The following GOLIM4 variants were observed in gnomAD, a reference collection of about 807,000 sequenced individuals.
GOLIM4 encodes 130 kDa golgi-localized phosphoprotein.
A neutral mutation model predicts 107.4 loss-of-function variants in GOLIM4; 71 were observed. The observed-to-expected ratio is 0.66, with a 90% CI of 0.55 to 0.81. GOLIM4 has a LOEUF of 0.81. Among genes scored for constraint, GOLIM4 ranks in the 30% least tolerant of loss-of-function variants. The probability of loss-of-function intolerance (pLI) is 0.00; values close to 1 mark genes in which losing one functional copy is unlikely to be tolerated. For missense variants in GOLIM4, 830 were observed against 826.1 expected (o/e 1.00, Z -0.06); for synonymous variants, 327 against 294.8 (o/e 1.11, Z -1.12).
intron 1 of GOLIM4, among the ~76,000 whole-genome samples, chr3:168,093,614 TGTAAATAAATAA>T: frequency 6.6e-6 from 1 of 152,328 alleles, no homozygotes; most frequent in South Asian, 2.1e-4. Context: ...ACTGATACCT[TGTAAATAAATAA>T]GTAAACAAAT....
At chr3:168,052,801 A>G (rs1406980622) in intron 1 of GOLIM4, among the ~76,000 whole-genome samples, 2 of 152,232 alleles carry the variant, frequency 1.3e-5, no homozygotes, top group Non-Finnish European at 2.9e-5. Flanking sequence ...AGTCAAGGGC[A>G]TCAGTCAAGA....
chr3:168,035,208 A>C (rs1718579526), intron 8 of GOLIM4, among the ~76,000 whole-genome samples: 1 of 152,202 alleles, frequency 6.6e-6, no homozygotes. Context: ...TGTTGGTGGG[A>C]GTGCAGATTA....
chr3:168,031,113 C>T (rs1307435194), intron 9 of GOLIM4, among the ~76,000 whole-genome samples: 1 of 152,048 alleles, frequency 6.6e-6, no homozygotes, highest in Non-Finnish European at 1.5e-5. Flanking sequence ...ACATACATTG[C>T]ATATTCTCAT....
At position 168,047,095 on chromosome 3, in the gene GOLIM4, A is replaced by G. The variant is rs559769940; in HGVS notation, c.263-96T>C. 7 of 617,640 alleles carry G rather than the reference A, an allele frequency of 1.1e-5. No individual in the cohort carries two copies. In the Admixed American group the frequency reaches 2.2e-4, roughly 19 times the overall value. 38.3% of individuals were successfully genotyped at this position (617,640 alleles called of 1,614,324 possible). The stretch of plus-strand genomic sequence containing the variant: ...GGCAAACTTCACTCATGCTTACAAA[A>G]GTGTTTTAGGTTTAAAACAATCTAC... On this transcript the variant is annotated intron_variant, in intron 2 of 15. Coordinates refer to ENST00000470487, the MANE Select transcript of GOLIM4 (RefSeq NM_014498.5).
At chr3:168,084,878 T>C (rs955176640) in intron 1 of GOLIM4, among the ~76,000 whole-genome samples, 2 of 152,114 alleles carry the variant, frequency 1.3e-5, no homozygotes, top group African/African-American at 4.8e-5. Flanking sequence ...CTAAAAATTA[T>C]GTAGTGGCTA....
At chr3:168,036,444 G>T (rs1420520088) in intron 8 of GOLIM4, among the ~76,000 whole-genome samples, 1 of 152,230 alleles carries the variant, frequency 6.6e-6, no homozygotes, top group African/African-American at 2.4e-5. Context: ...GGGAGGCTGA[G>T]GCAGGGAGAA....
In GOLIM4 at chr3:168,024,703, A is replaced by G. The variant is rs1037740421; in HGVS notation, c.1792-109T>C. 4.2e-6 allele frequency: 4 copies of G among 956,214 alleles called. No homozygotes were observed. In the African/African-American group the frequency reaches 6.4e-5, roughly 15 times the overall value. The allele number at this position is 956,214 out of a possible 1,614,324, so 59.2% of individuals were successfully genotyped here. On this transcript the variant is annotated intron_variant, in intron 13 of 15. Transcript: ENST00000470487. Reference sequence around the variant, plus strand: ...GCCACCATGAAAAGGGCACTTTCAAAGCGTCTGTGGCCAGGAAATGATGAG... The same window carrying G: ...GCCACCATGAAAAGGGCACTTTCAAGGCGTCTGTGGCCAGGAAATGATGAG...
At chr3:168,087,952 C>T (rs1721710091) in intron 1 of GOLIM4, among the ~76,000 whole-genome samples, 1 of 152,124 alleles carries the variant, frequency 6.6e-6, no homozygotes, top group African/African-American at 2.4e-5. Context: ...TACTAAAATT[C>T]ACTCCAAAGA....
At chr3:168,049,558 G>T (rs755510514) in intron 1 of GOLIM4, among the ~76,000 whole-genome samples, 17 of 152,122 alleles carry the variant, frequency 1.1e-4, no homozygotes, top group Non-Finnish European at 2.4e-4. Context: ...TAAGCCAAAC[G>T]TGTTACTCCA....
At chr3:168,094,118 CA>C (rs1206250202) in intron 1 of GOLIM4, among the ~76,000 whole-genome samples, 3 of 151,458 alleles carry the variant, frequency 2.0e-5, no homozygotes, top group African/African-American at 4.9e-5. Flanking sequence ...TAAAAGCTTG[CA>C]AAAAAAATAT....
At chr3:168,080,478 C>T (rs1448780326) in intron 1 of GOLIM4, among the ~76,000 whole-genome samples, 2 of 152,228 alleles carry the variant, frequency 1.3e-5, no homozygotes, top group East Asian at 3.9e-4. Context: ...CACTGGGAGC[C>T]ACATTTCTAC....
chr3:168,028,502 G>A (rs912933642), intron 11 of GOLIM4, among the ~76,000 whole-genome samples: 1 of 152,204 alleles, frequency 6.6e-6, no homozygotes, highest in Non-Finnish European at 1.5e-5. Flanking sequence ...ACTAAGCCTA[G>A]AGAAAATGAT....
intron 1 of GOLIM4, among the ~76,000 whole-genome samples, chr3:168,072,250 A>G (rs1189856508): frequency 3.3e-5 from 5 of 152,132 alleles, no homozygotes; most frequent in Non-Finnish European, 7.4e-5. Context: ...CTGGTCACTC[A>G]GTGATGGGGT....
At chr3:168,091,266 C>T (rs1043464614) in intron 1 of GOLIM4, among the ~76,000 whole-genome samples, 3 of 152,098 alleles carry the variant, frequency 2.0e-5, no homozygotes, top group African/African-American at 7.2e-5. Flanking sequence ...TCTCCTTATC[C>T]CTGGAAGTCC....
chr3:168,086,949 G>A (rs1462605326), intron 1 of GOLIM4, among the ~76,000 whole-genome samples: 1 of 152,152 alleles, frequency 6.6e-6, no homozygotes, highest in Non-Finnish European at 1.5e-5. Flanking sequence ...GTCAGAGTAT[G>A]TGGGCTCTCA....
chr3:168,047,544 G>C (rs1719380958), intron 2 of GOLIM4, among the ~76,000 whole-genome samples: 1 of 152,052 alleles, frequency 6.6e-6, no homozygotes, highest in African/African-American at 2.4e-5. Context: ...TCAATCCAAG[G>C]GTCAGTAAAA....
In GOLIM4 at chr3:168,029,285, T is replaced by C. The variant is rs779837356; in HGVS notation, c.1451A>G (p.Asp484Gly). The change falls in exon 11 of 16, where the codon GAT (aspartate) becomes GGT (glycine). Residue 484 changes from aspartate (D) to glycine (G), a missense_variant. Coordinates refer to ENST00000470487, the MANE Select transcript of GOLIM4 (RefSeq NM_014498.5). Reference protein sequence around the residue: ...QEQLRQQAHYDAMDNDIVQGA... With the variant: ...QEQLRQQAHYGAMDNDIVQGA... ...CTGAACGATATCATTATCCATAGCATCATAATGAGCTTGCTGCCTACAAGA... is the reference window on the plus strand; with the variant it reads ...CTGAACGATATCATTATCCATAGCACCATAATGAGCTTGCTGCCTACAAGA... 1.2e-6 allele frequency: 2 copies of C among 1,606,082 alleles called. No homozygotes were observed. The highest frequency in any genetic ancestry group is 1.1e-5 in the South Asian group (1 of 89,864).
intron 3 of GOLIM4, 124 bp downstream of exon 3, chr3:168,046,826 G>A (rs1240645207): frequency 4.3e-6 from 2 of 465,452 alleles, no homozygotes; most frequent in Non-Finnish European, 7.6e-6. Flanking sequence ...AAAAGGGGGT[G>A]TCAGTCCTAT....
At chr3:168,010,708 C>G in intron 15 of GOLIM4, 35 bp downstream of exon 15, 1 of 1,446,514 alleles carries the variant, frequency 6.9e-7, no homozygotes, top group Non-Finnish European at 9.7e-7. Context: ...CACAAACACT[C>G]AAGTGCTCAA....
Sources: allele counts gnomAD v4.1 joint callset (sites outside exome capture counted in the v4.1 genomes callset), GRCh38; gene constraint gnomAD v4.1.1; transcripts MANE v1.5; gene names NCBI Gene and HGNC (gene_info 2026-07-23, HGNC 2026-07-21).